LRGUK: variants seen among roughly 807,000 people sequenced by gnomAD.
The protein encoded by LRGUK is leucine-rich repeat and guanylate kinase domain-containing protein.
In LRGUK, 65 loss-of-function variants were observed where a neutral mutation model predicts 76.0. That is an observed-to-expected ratio of 0.85 (90% confidence interval 0.70 to 1.05). The LOEUF (loss-of-function observed/expected upper bound fraction) is 1.05, where lower values mean the gene tolerates loss of function less well. Ranked by LOEUF, LRGUK falls within the 50% of genes least tolerant of loss-of-function variation. LRGUK has a pLI of 0.00. For synonymous variants in LRGUK, 268 were observed against 265.6 expected (o/e 1.01, Z -0.09); for missense variants, 758 against 732.8 (o/e 1.03, Z -0.40).
At chr7:134,250,151 T>C (rs2117210544) in intron 18 of LRGUK, among the ~76,000 whole-genome samples, 1 of 152,302 alleles carries the variant, frequency 6.6e-6, no homozygotes, top group East Asian at 1.9e-4. Context: ...GGAAGAAAGC[T>C]CACCAAAATG....
chr7:134,214,568 T>A (rs1016493075), downstream of LRGUK, among the ~76,000 whole-genome samples: 3 of 152,156 alleles, frequency 2.0e-5, no homozygotes, highest in African/African-American at 7.2e-5. Flanking sequence ...AATCATGTCA[T>A]AGAAGAATAT....
At chr7:134,147,906 A>C (rs1437950966) in intron 4 of LRGUK, among the ~76,000 whole-genome samples, 2 of 151,792 alleles carry the variant, frequency 1.3e-5, no homozygotes, top group African/African-American at 4.8e-5. Context: ...CTAAAAATAC[A>C]AAAAAATTAG....
chr7:134,258,344 G>A, exon 19 of LRGUK: 1 of 1,614,090 alleles, frequency 6.2e-7, no homozygotes, highest in Non-Finnish European at 8.5e-7. Flanking sequence ...CTCCGGAGGG[G>A]AGCATTTCTT....
At chr7:134,260,690 G>T (rs1188563069) in intron 19 of LRGUK, among the ~76,000 whole-genome samples, 1 of 152,088 alleles carries the variant, frequency 6.6e-6, no homozygotes, top group Non-Finnish European at 1.5e-5. Flanking sequence ...CTGCTTGTTG[G>T]GGCTTTAGCT....
intron 12 of LRGUK, among the ~76,000 whole-genome samples, chr7:134,195,741 T>C (rs943076855): frequency 3.9e-5 from 6 of 152,086 alleles, no homozygotes; most frequent in Admixed American, 6.5e-5. Flanking sequence ...TATATATATA[T>C]AGAAAAGGAG....
At chr7:134,256,056 C>A (rs1284450790) in intron 18 of LRGUK, among the ~76,000 whole-genome samples, 1 of 152,118 alleles carries the variant, frequency 6.6e-6, no homozygotes, top group Non-Finnish European at 1.5e-5. Context: ...GGTTATGGCG[C>A]CCTCTTCCCA....
downstream of LRGUK, among the ~76,000 whole-genome samples, chr7:134,268,875 G>A (rs920990710): frequency 1.4e-4 from 21 of 151,334 alleles, no homozygotes; most frequent in African/African-American, 4.4e-4. Context: ...GACTACAGGC[G>A]CCTGCCACTG....
At chr7:134,186,597 C>T (rs990162686) in intron 11 of LRGUK, among the ~76,000 whole-genome samples, 1 of 152,216 alleles carries the variant, frequency 6.6e-6, no homozygotes, top group Admixed American at 6.5e-5. Context: ...GGGTGATCTT[C>T]CCCAACCTCC....
intron 18 of LRGUK, among the ~76,000 whole-genome samples, chr7:134,250,534 T>C (rs1802417343): frequency 6.6e-6 from 1 of 152,212 alleles, no homozygotes. Context: ...ATAATGAGAA[T>C]GAAAACTTTT....
At chr7:134,172,648 G>A (rs991002815) in intron 7 of LRGUK, among the ~76,000 whole-genome samples, 2 of 152,140 alleles carry the variant, frequency 1.3e-5, no homozygotes, top group South Asian at 4.1e-4. Flanking sequence ...ATAAATGAAG[G>A]AACACATCTC....
At chr7:134,130,480 G>C (rs368430156) in intron 1 of LRGUK, among the ~76,000 whole-genome samples, 69 of 152,232 alleles carry the variant, frequency 4.5e-4, no homozygotes, top group African/African-American at 1.6e-3. Context: ...TGTGGAACAG[G>C]TTCATTATTT....
intron 16 of LRGUK, among the ~76,000 whole-genome samples, chr7:134,235,846 A>T (rs1025588011): frequency 6.6e-6 from 1 of 152,198 alleles, no homozygotes; most frequent in Admixed American, 6.5e-5. Context: ...GTCCTAGGTT[A>T]TTGAAAAGAT....
downstream of LRGUK, among the ~76,000 whole-genome samples, chr7:134,213,688 G>GGT (rs1487580775): frequency 1.8e-4 from 28 of 152,004 alleles, no homozygotes; most frequent in Admixed American, 1.8e-3. Flanking sequence ...TTATTGCTTT[G>GGT]GTAGTATATG....
intron 9 of LRGUK, among the ~76,000 whole-genome samples, chr7:134,177,495 T>A (rs538934204): frequency 1.8e-4 from 27 of 152,366 alleles, no homozygotes; most frequent in African/African-American, 5.8e-4. Context: ...AAATCACTAC[T>A]CTGATATTTT....
Position 134,142,766 on chromosome 7 carries a change from C to T in LRGUK, c.488-296C>T, listed in dbSNP as rs973588897. Among the ~76,000 whole-genome samples the T allele has an allele frequency of 2.6e-5, 4 of 152,234 alleles. No homozygotes were observed. The East Asian group carries it at 5.8e-4, about 22-fold the overall frequency. The stretch of plus-strand genomic sequence containing the variant: ...ATTTCATTGTTAGTGGCAGAGTGAG[C>T]GGGCATGCGGAAGAGGCCGCAGGGA... On this transcript the variant is annotated intron_variant, in intron 3 of 15. Coordinates refer to ENST00000645682, the Ensembl canonical transcript of LRGUK.
downstream of LRGUK, among the ~76,000 whole-genome samples, chr7:134,267,794 A>G (rs1226125822): frequency 1.3e-5 from 2 of 152,114 alleles, no homozygotes; most frequent in East Asian, 3.9e-4. Context: ...TACAGGGGGC[A>G]AGGTTTGAAA....
At chr7:134,274,096 C>T in the LRGUK span, among the ~76,000 whole-genome samples, 2 of 152,148 alleles carry the variant, frequency 1.3e-5, no homozygotes, top group Admixed American at 1.3e-4. Flanking sequence ...ATATCTACTT[C>T]GTCCACTATG....
At chr7:134,169,117 A>G (rs1334651325) in intron 7 of LRGUK, among the ~76,000 whole-genome samples, 1 of 149,852 alleles carries the variant, frequency 6.7e-6, no homozygotes, top group Non-Finnish European at 1.5e-5. Context: ...TCCTGATAAG[A>G]GGCTGAAGGG....
downstream of LRGUK, among the ~76,000 whole-genome samples, chr7:134,267,750 G>A (rs1246918849): frequency 1.3e-5 from 2 of 152,034 alleles, no homozygotes; most frequent in Non-Finnish European, 2.9e-5. Context: ...CCAGTCTACG[G>A]TATGTCTTTA....
Sources: allele counts gnomAD v4.1 joint callset (sites outside exome capture counted in the v4.1 genomes callset), GRCh38; gene constraint gnomAD v4.1.1; transcripts MANE v1.5; gene names NCBI Gene and HGNC (gene_info 2026-07-23, HGNC 2026-07-21).